Variants in SECISBP2 observed in about 807,000 individuals in gnomAD.
SECISBP2 encodes SECIS binding protein 2.
SECISBP2 carries 96 observed loss-of-function variants against 98.2 expected under a neutral mutation model. The ratio of observed to expected loss-of-function variants is 0.98; its 90% confidence interval spans 0.83 to 1.16. The LOEUF is 1.16. Among genes scored for constraint, SECISBP2 ranks in the 50% most tolerant of loss-of-function variants. The pLI is 0.00. For synonymous variants in SECISBP2, 407 were observed against 370.2 expected (o/e 1.10, Z -1.14); for missense variants, 1,046 against 1,022.9 (o/e 1.02, Z -0.31).
chr9:89,363,462 C>T (rs1465377773), downstream of SECISBP2: 7 of 1,613,826 alleles, frequency 4.3e-6, no homozygotes, highest in East Asian at 2.2e-5. Flanking sequence ...ATCATCCGGT[C>T]GTGCTCCCCA....
Position 89,325,635 on chromosome 9 carries a change from A to G in SECISBP2, c.391A>G (p.Asn131Asp). ...GFQTVKHRNE[N>D]TCPLPQEMKA... ...TCAAACAGTGAAGCATCGAAATGAG[A>G]ACACATGCCCTCTCCCACAAGAAAT... Residue 131 changes from asparagine (N) to aspartate (D), a missense_variant, in exon 3 of 17, where the codon AAC (asparagine) becomes GAC (aspartate). By Grantham distance (23) the Asn-to-Asp change is conservative (BLOSUM62 1). Transcript: ENST00000375807. 4 of 1,614,174 alleles carry G rather than the reference A, an allele frequency of 2.5e-6. No individual in the cohort carries two copies. The highest frequency in any genetic ancestry group is 2.5e-6 in the Non-Finnish European group (3 of 1,180,026).
Position 89,325,589 on chromosome 9 carries a change from A to AC in SECISBP2, c.348dup (p.Ser117GlnfsTer14), listed in dbSNP as rs747514658. On this transcript the variant is annotated frameshift_variant, in exon 3 of 17. Transcript: ENST00000375807. LOFTEE classifies it high-confidence loss of function. ...CTGGCTCCCAGTATCTTTATAACCA[A>AC]CCCAGTTGTTACCGAGGTTTTCAAA... The AC allele has an allele frequency of 3.1e-6, 5 of 1,614,124 alleles. No homozygotes were observed.
chr9:89,338,817 A>G (rs540222011), intron 8 of SECISBP2, among the ~76,000 whole-genome samples: 7 of 152,060 alleles, frequency 4.6e-5, no homozygotes, highest in South Asian at 2.1e-4. Flanking sequence ...AGACAAAACT[A>G]CTTGTATCAG....
chr9:89,328,868 A>G lies in SECISBP2; in HGVS notation c.783A>G (p.Pro261=). ...CTCTTCTAAGAGAAGTAGTAAAACC[A>G]GCTGCAGTGTTATCAAAGGTGAGGT... The part of the protein sequence containing the change: ...DISLLREVVK[P]AAVLSKGEIV... Residue 261 remains proline, a synonymous_variant, in exon 5 of 17, where the codon CCA becomes CCG. Coordinates refer to ENST00000375807, the MANE Select transcript of SECISBP2 (RefSeq NM_024077.5). The G allele has an allele frequency of 6.2e-7, 1 of 1,613,906 alleles. No homozygotes were observed. The highest frequency in any genetic ancestry group is 8.5e-7 in the Non-Finnish European group (1 of 1,179,766).
chr9:89,339,908 A>C lies in SECISBP2; in HGVS notation c.1257A>C (p.Arg419Ser). 1 of 1,613,860 alleles carries C rather than the reference A, an allele frequency of 6.2e-7. No individual in the cohort carries two copies. The highest frequency in any genetic ancestry group is 2.2e-5 in the East Asian group (1 of 44,866). Residue 419 changes from arginine (R) to serine (S), a missense_variant, in exon 9 of 17, where the codon AGA (arginine) becomes AGC (serine). By Grantham distance (110) the Arg-to-Ser change is moderately radical. Coordinates refer to ENST00000375807, the MANE Select transcript of SECISBP2 (RefSeq NM_024077.5). ...FPNLAVASERRDRIETPKFQS... is the reference protein window; with the variant it reads ...FPNLAVASERSDRIETPKFQS... ...ACCTGGCAGTTGCATCTGAAAGAAG[A>C]GACAGAATAGAGACACCGAAATTTC... is the stretch of plus-strand genomic sequence containing the variant.
intron 10 of SECISBP2, among the ~76,000 whole-genome samples, chr9:89,341,805 A>G (rs903531678): frequency 6.6e-6 from 1 of 152,246 alleles, no homozygotes. Flanking sequence ...AATGAACTCA[A>G]AATGAATCAA....
At chr9:89,328,342 A>G (rs963735161) in intron 4 of SECISBP2, among the ~76,000 whole-genome samples, 1 of 152,192 alleles carries the variant, frequency 6.6e-6, no homozygotes, top group Admixed American at 6.5e-5. Flanking sequence ...CTTCATTACA[A>G]TCTTATGGGG....
chr9:89,338,890 T>TTC (rs1829217955), intron 8 of SECISBP2, among the ~76,000 whole-genome samples: 1 of 144,728 alleles, frequency 6.9e-6, no homozygotes, highest in Non-Finnish European at 1.5e-5. Flanking sequence ...TTACCTGTTT[T>TTC]TTTTTTTTTT....
chr9:89,334,652 T>G lies in SECISBP2; in HGVS notation c.1011T>G (p.Val337=). The G allele has an allele frequency of 6.2e-7, 1 of 1,614,134 alleles. No homozygotes were observed. The highest frequency in any genetic ancestry group is 8.5e-7 in the Non-Finnish European group (1 of 1,179,992). Residue 337 remains valine (V), a synonymous_variant, in exon 7 of 17, where the codon GTT becomes GTG. Coordinates refer to ENST00000375807, the MANE Select transcript of SECISBP2 (RefSeq NM_024077.5). ...CTTCATCAGCAGATCCTAAAAATGT[T>G]AGTATACCATCTTCTGAAGCTTTAT... ...TIASSADPKN[V]SIPSSEALSS...
intron 11 of SECISBP2, among the ~76,000 whole-genome samples, chr9:89,347,465 C>CTTTTTTTTTTT (rs1184563393): frequency 1.1e-5 from 1 of 87,396 alleles, no homozygotes; most frequent in Non-Finnish European, 2.2e-5. Context: ...CCGGTGAATT[C>CTTTTTTTTTTT]TTTTTTTTTT....
At chr9:89,338,601 C>G (rs117971483) in intron 8 of SECISBP2, 21 bp downstream of exon 8, 1 of 1,608,526 alleles carries the variant, frequency 6.2e-7, no homozygotes. Flanking sequence ...ATTTTTTATT[C>G]ACATGGTGTG....
At chr9:89,365,465 C>G in the SECISBP2 span, 6 of 152,350 alleles carry the variant, frequency 3.9e-5, no homozygotes, top group Non-Finnish European at 8.8e-5. Context: ...CCAAATGGGC[C>G]ATGGGCCACC....
intron 14 of SECISBP2, chr9:89,354,851 G>A (rs929241447): frequency 1.0e-6 from 1 of 985,244 alleles, no homozygotes; most frequent in Non-Finnish European, 1.2e-6. Flanking sequence ...TGCATCTGAT[G>A]TTACGGGGGA....
At chr9:89,329,596 GGAC>G (rs1391653980) in intron 5 of SECISBP2, 1 of 152,446 alleles carries the variant, frequency 6.6e-6, no homozygotes, top group African/African-American at 2.4e-5. Flanking sequence ...GGAGTAGCTG[GGAC>G]TACAGGTACA....
intron 5 of SECISBP2, chr9:89,330,406 A>G (rs1181168064): frequency 1.3e-5 from 2 of 152,250 alleles, no homozygotes; most frequent in South Asian, 2.1e-4. Context: ...GCAGTGGAGT[A>G]CATGCCAGTA....
At chr9:89,336,766 CTTTTTTTTTTTTT>C (rs1167993596) in intron 7 of SECISBP2, among the ~76,000 whole-genome samples, 4 of 75,202 alleles carry the variant, frequency 5.3e-5, no homozygotes, top group African/African-American at 5.9e-5. Context: ...CTGTCTAATT[CTTTTTTTTTTTTT>C]TTTTTTTTTT....
chr9:89,358,596 C>T (rs1832460087), intron 16 of SECISBP2, 125 bp from the exon 17 acceptor site: 2 of 739,140 alleles, frequency 2.7e-6, no homozygotes, highest in South Asian at 1.5e-5. Flanking sequence ...TGCCAGGGCA[C>T]CTCTGAGCAC....
At chr9:89,328,216 C>T (rs890222121) in intron 4 of SECISBP2, among the ~76,000 whole-genome samples, 5 of 152,212 alleles carry the variant, frequency 3.3e-5, no homozygotes, top group East Asian at 1.9e-4. Context: ...AGTACATCAT[C>T]GCATGTACTA....
At chr9:89,333,477 C>G (rs1274901986) in intron 6 of SECISBP2, among the ~76,000 whole-genome samples, 1 of 152,230 alleles carries the variant, frequency 6.6e-6, no homozygotes, top group Non-Finnish European at 1.5e-5. Flanking sequence ...CAGAGAGCAG[C>G]CTTGCTTTCC....
Sources: gnomAD v4.1 joint callset for allele counts (sites outside exome capture counted in the v4.1 genomes callset) on GRCh38, gnomAD v4.1.1 for gene constraint, MANE v1.5 for transcripts, NCBI Gene and HGNC (gene_info 2026-07-23, HGNC 2026-07-21) for gene names.